Variants in CHLSN observed in about 807,000 individuals in gnomAD.
The protein encoded by CHLSN is protein cholesin.
chr7:1,085,393 G>A, the CHLSN span, among the ~76,000 whole-genome samples: 29 of 152,230 alleles, frequency 1.9e-4, 1 homozygote, highest in Admixed American at 1.8e-3. Context: ...AGAGTCAGCC[G>A]GCCCCTCCCA....
chr7:1,122,698 G>A, the CHLSN span, among the ~76,000 whole-genome samples: 1 of 152,162 alleles, frequency 6.6e-6, no homozygotes, highest in Admixed American at 6.5e-5. Context: ...CCGCTCAAGT[G>A]GGAAACCAGG....
the CHLSN span, among the ~76,000 whole-genome samples, chr7:1,095,292 C>T: frequency 5.5e-5 from 8 of 144,662 alleles, no homozygotes; most frequent in Admixed American, 5.5e-4. Context: ...CCCCCCACAC[C>T]TGGGCGCTGT....
the CHLSN span, among the ~76,000 whole-genome samples, chr7:990,543 C>T: frequency 3.9e-5 from 6 of 151,988 alleles, no homozygotes; most frequent in Admixed American, 6.5e-5. Flanking sequence ...AAGGCCAGGA[C>T]GTGGTGGCCG....
the CHLSN span, chr7:1,028,313 C>T: frequency 4.4e-5 from 46 of 1,040,348 alleles, no homozygotes; most frequent in Admixed American, 5.9e-5. Context: ...CAGGGATGCG[C>T]CCGCAGTGCG....
chr7:992,493 C>G, the CHLSN span, among the ~76,000 whole-genome samples: 1 of 152,240 alleles, frequency 6.6e-6, no homozygotes, highest in Non-Finnish European at 1.5e-5. Flanking sequence ...TAATGGAACC[C>G]AAGTGACCCA....
the CHLSN span, chr7:983,416 G>A: frequency 0.17 from 249,863 of 1,441,902 alleles, 22,607 homozygotes; most frequent in Admixed American, 0.22. Context: ...AGCTCTTGCC[G>A]CTTGGACAGC....
chr7:1,011,034 G>GC, the CHLSN span, among the ~76,000 whole-genome samples: 1 of 150,028 alleles, frequency 6.7e-6, no homozygotes, highest in African/African-American at 2.5e-5. Flanking sequence ...AGTGAGGCAA[G>GC]CCCCCCTACA....
At chr7:1,021,701 C>A in the CHLSN span, 7,408 of 250,924 alleles carry the variant, frequency 0.03, 587 homozygotes, top group African/African-American at 0.16. Flanking sequence ...GACACCACCC[C>A]CCTAACCCCT....
the CHLSN span, among the ~76,000 whole-genome samples, chr7:991,351 C>A: frequency 3.9e-5 from 6 of 152,220 alleles, no homozygotes; most frequent in African/African-American, 1.4e-4. Flanking sequence ...AGCCAGGGCC[C>A]CCCAAGTTAG....
chr7:1,010,279 AG>A, the CHLSN span: 1 of 737,960 alleles, frequency 1.4e-6, no homozygotes, highest in Admixed American at 3.1e-5. Context: ...GTCTGGCCCC[AG>A]CCGACACCAT....
the CHLSN span, among the ~76,000 whole-genome samples, chr7:1,135,423 G>C: frequency 6.6e-6 from 1 of 151,810 alleles, no homozygotes; most frequent in Non-Finnish European, 1.5e-5. Flanking sequence ...TTGAACTCCT[G>C]ACCTCTGTTT....
the CHLSN span, among the ~76,000 whole-genome samples, chr7:992,441 G>A: frequency 3.9e-5 from 6 of 152,350 alleles, no homozygotes; most frequent in South Asian, 6.2e-4. Flanking sequence ...CGGGCTGGCC[G>A]GGCTTAGGAG....
At chr7:1,002,154 T>C in the CHLSN span, among the ~76,000 whole-genome samples, 7 of 110,848 alleles carry the variant, frequency 6.3e-5, no homozygotes, top group East Asian at 3.2e-4. Flanking sequence ...TGGAGTCCTG[T>C]GGGTGAGTGG....
At chr7:1,028,540 G>T in the CHLSN span, 48 of 984,944 alleles carry the variant, frequency 4.9e-5, no homozygotes, top group Non-Finnish European at 4.1e-5. Flanking sequence ...CTCCTCCGAC[G>T]AGGCTCTCTG....
chr7:1,113,793 G>A, the CHLSN span, among the ~76,000 whole-genome samples: 1 of 152,278 alleles, frequency 6.6e-6, no homozygotes, highest in South Asian at 2.1e-4. Flanking sequence ...AGCTCTGACT[G>A]CCAGGCAAGG....
the CHLSN span, among the ~76,000 whole-genome samples, chr7:992,085 T>C: frequency 1.1e-4 from 16 of 152,160 alleles, no homozygotes; most frequent in African/African-American, 3.6e-4. Flanking sequence ...CCAGATGTCA[T>C]GGGAGAGGCA....
the CHLSN span, chr7:987,039 G>A: frequency 7.0e-7 from 1 of 1,431,968 alleles, no homozygotes; most frequent in Non-Finnish European, 9.1e-7. Context: ...GCCCAGGGCT[G>A]GGCTGGGTCT....
chr7:1,090,066 C>CAA, the CHLSN span, among the ~76,000 whole-genome samples: 669 of 135,120 alleles, frequency 5.0e-3, 5 homozygotes, highest in African/African-American at 0.017. Flanking sequence ...CCTGGGTGAC[C>CAA]AAAAAAAAAA....
At chr7:1,006,929 T>A in the CHLSN span, among the ~76,000 whole-genome samples, 4 of 152,042 alleles carry the variant, frequency 2.6e-5, no homozygotes, top group Non-Finnish European at 5.9e-5. Flanking sequence ...AGATGAACCC[T>A]TGAGATGCAA....
Sources: allele counts gnomAD v4.1 joint callset (sites outside exome capture counted in the v4.1 genomes callset), GRCh38; gene constraint gnomAD v4.1.1; transcripts MANE v1.5; gene names NCBI Gene and HGNC (gene_info 2026-07-23, HGNC 2026-07-21).